The following MORN1 variants were observed in gnomAD, a reference collection of about 807,000 sequenced individuals.
MORN1 encodes the protein MORN repeat-containing protein 1.
A neutral mutation model predicts 61.9 loss-of-function variants in MORN1; 67 were observed. The observed-to-expected ratio is 1.08, with a 90% CI of 0.89 to 1.33. The LOEUF (loss-of-function observed/expected upper bound fraction) is 1.33. Ranked by LOEUF, MORN1 falls within the 40% of genes most tolerant of loss-of-function variation. MORN1 has a pLI of 0.00. For missense variants in MORN1, 752 were observed against 691.2 expected (o/e 1.09, Z -0.99); for synonymous variants, 301 against 292.0 (o/e 1.03, Z -0.31).
intron 12 of MORN1, chr1:2,332,761 G>A (rs979802033): frequency 6.6e-6 from 3 of 456,310 alleles, no homozygotes; most frequent in African/African-American, 6.0e-5. Context: ...ATCCTGGGAG[G>A]GGTGAAAACC....
At chr1:2,326,935 G>A (rs552706020) in intron 12 of MORN1, among the ~76,000 whole-genome samples, 112 of 152,360 alleles carry the variant, frequency 7.4e-4, no homozygotes, top group African/African-American at 2.5e-3. Flanking sequence ...AGCGCTGGAC[G>A]TCTGAGGCCT....
At chr1:2,385,744 G>T in intron 5 of MORN1, 63 bp downstream of exon 5, 1 of 1,480,330 alleles carries the variant, frequency 6.8e-7, no homozygotes. Flanking sequence ...CAGGCCACAT[G>T]GCCTCACACC....
At chr1:2,324,235 G>A in intron 12 of MORN1, 92 bp from the exon 13 acceptor site, 1 of 1,335,516 alleles carries the variant, frequency 7.5e-7, no homozygotes, top group Non-Finnish European at 1.0e-6. Context: ...GTGGCTCCAG[G>A]GCAGATTCAG....
chr1:2,325,545 C>T (rs1298087411), intron 12 of MORN1, among the ~76,000 whole-genome samples: 1 of 151,740 alleles, frequency 6.6e-6, no homozygotes, highest in African/African-American at 2.4e-5. Flanking sequence ...GGAGGTCTCA[C>T]TATGTTGCCC....
intron 3 of MORN1, 176 bp downstream of exon 3, chr1:2,388,063 T>C: frequency 1.8e-6 from 1 of 569,322 alleles, no homozygotes. Flanking sequence ...TGAGTTGCTC[T>C]CAGCGGTGAC....
intron 13 of MORN1, chr1:2,322,458 C>T (rs896081280): frequency 2.0e-5 from 20 of 985,264 alleles, no homozygotes; most frequent in Non-Finnish European, 2.4e-5. Context: ...CCTCCTCGGC[C>T]AGGCCACGGG....
chr1:2,370,115 G>A (rs777449512), intron 8 of MORN1, among the ~76,000 whole-genome samples: 14 of 152,190 alleles, frequency 9.2e-5, no homozygotes, highest in Non-Finnish European at 1.6e-4. Context: ...TCCAGATAGC[G>A]TGGCCCTGGC....
At chr1:2,340,104 G>A (rs1276419516) in intron 10 of MORN1, among the ~76,000 whole-genome samples, 1 of 152,188 alleles carries the variant, frequency 6.6e-6, no homozygotes, top group African/African-American at 2.4e-5. Flanking sequence ...GCTACAGATG[G>A]CCACTGTCCC....
In MORN1 at chr1:2,324,156, C is replaced by G. The variant is rs1174614388; in HGVS notation, c.1251-13G>C. On this transcript the variant is annotated splice_polypyrimidine_tract_variant and intron_variant, in intron 12 of 13. Coordinates refer to ENST00000378531, the MANE Select transcript of MORN1 (RefSeq NM_024848.3). Reference sequence around the variant, plus strand: ...TCTCCCCTCAGGCCTGTGGAGACGACACAGTGAGGCCCCTGAATGCCCTGC... The same window carrying G: ...TCTCCCCTCAGGCCTGTGGAGACGAGACAGTGAGGCCCCTGAATGCCCTGC... 1 of 1,593,268 alleles carries G rather than the reference C, an allele frequency of 6.3e-7. No individual in the cohort carries two copies. Among genetic ancestry groups the G allele is most frequent in the Admixed American group, 1.8e-5 (1 of 56,398 alleles).
chr1:2,354,336 G>A (rs1050740481), intron 10 of MORN1, among the ~76,000 whole-genome samples: 14 of 152,062 alleles, frequency 9.2e-5, no homozygotes, highest in Non-Finnish European at 1.6e-4. Flanking sequence ...AGGCTGAGGC[G>A]GGAGGACTGC....
intron 9 of MORN1, among the ~76,000 whole-genome samples, chr1:2,358,343 G>A (rs570198149): frequency 8.9e-4 from 136 of 152,258 alleles, no homozygotes; most frequent in African/African-American, 2.9e-3. Flanking sequence ...AGGCTTGGGG[G>A]CCGAGCGCTG....
chr1:2,344,474 G>A (rs993940623), intron 10 of MORN1, among the ~76,000 whole-genome samples: 14 of 152,232 alleles, frequency 9.2e-5, no homozygotes, highest in Admixed American at 6.5e-5. Context: ...CCTGGGGGAC[G>A]GGGTGTGGGG....
At chr1:2,374,812 G>A (rs1642199044) in intron 6 of MORN1, 1 of 441,174 alleles carries the variant, frequency 2.3e-6, no homozygotes, top group Non-Finnish European at 4.1e-6. Context: ...GGGAACAACG[G>A]CACAGTATAT....
chr1:2,385,788 C>T lies in MORN1; in HGVS notation c.449+19G>A, dbSNP rs1164201561. 1 of 1,609,838 alleles carries T rather than the reference C, an allele frequency of 6.2e-7. No individual in the cohort carries two copies. The highest frequency in any genetic ancestry group is 1.3e-5 in the African/African-American group (1 of 74,944). On this transcript the variant is annotated intron_variant, in intron 5 of 13. Transcript: ENST00000378531. ...GTATCTGTCATGCGCCAGGCAGTAC[C>T]CACAAGACTCATACTCACTGAAAGA...
intron 10 of MORN1, among the ~76,000 whole-genome samples, chr1:2,343,319 C>T (rs996006117): frequency 5.3e-5 from 8 of 152,228 alleles, no homozygotes; most frequent in Admixed American, 2.6e-4. Context: ...CCTCCAGGAG[C>T]CCCCCACAAA....
intron 7 of MORN1, among the ~76,000 whole-genome samples, chr1:2,373,378 C>A (rs1459282338): frequency 2.0e-5 from 3 of 152,230 alleles, no homozygotes; most frequent in African/African-American, 7.2e-5. Context: ...GGGGGCAAAG[C>A]CAGAGCCCAC....
At chr1:2,363,510 A>G (rs1641936111) in intron 8 of MORN1, 2 of 152,112 alleles carry the variant, frequency 1.3e-5, no homozygotes, top group Middle Eastern at 3.4e-3. Flanking sequence ...TAATCCCAGC[A>G]CTTTGGGAGG....
chr1:2,385,586 G>C (rs1642477828), intron 5 of MORN1: 1 of 416,960 alleles, frequency 2.4e-6, no homozygotes, highest in East Asian at 4.2e-5. Flanking sequence ...ACACACAATT[G>C]GTCAATTTCA....
intron 8 of MORN1, among the ~76,000 whole-genome samples, chr1:2,369,035 C>G (rs1282759680): frequency 8.0e-6 from 1 of 125,414 alleles, no homozygotes; most frequent in Non-Finnish European, 1.6e-5. Context: ...CCAGCCTGGA[C>G]AATAAAGCAA....
Sources: allele counts gnomAD v4.1 joint callset (sites outside exome capture counted in the v4.1 genomes callset), GRCh38; gene constraint gnomAD v4.1.1; transcripts MANE v1.5; gene names NCBI Gene and HGNC (gene_info 2026-07-23, HGNC 2026-07-21).